Variants in LGR6 observed in about 807,000 individuals in gnomAD.
LGR6 encodes leucine rich repeat containing G protein-coupled receptor 6.
Under a neutral mutation model 69.4 loss-of-function variants are expected in LGR6, and 45 were observed. The observed-to-expected ratio is 0.65, with a 90% CI of 0.51 to 0.83. The LOEUF (loss-of-function observed/expected upper bound fraction) is 0.83, where lower values mean the gene tolerates loss of function less well. Among genes scored for constraint, LGR6 ranks in the 40% least tolerant of loss-of-function variants. LGR6 has a pLI of 0.00. For missense variants in LGR6, 1,108 were observed against 1,246.7 expected (o/e 0.89, Z 1.68); for synonymous variants, 538 against 555.0 (o/e 0.97, Z 0.43).
intron 12 of LGR6, 139 bp from the exon 13 acceptor site, chr1:202,306,729 G>A (rs1360099944): frequency 1.3e-5 from 10 of 785,578 alleles, no homozygotes; most frequent in Non-Finnish European, 2.2e-5. Context: ...TAATTCTGGT[G>A]ACTTCCTCGG....
intron 4 of LGR6, among the ~76,000 whole-genome samples, chr1:202,238,068 C>T (rs767719784): frequency 2.0e-5 from 3 of 150,754 alleles, no homozygotes; most frequent in Non-Finnish European, 4.4e-5. Context: ...ATTGATCCTC[C>T]GCCGTTTTTT....
intron 16 of LGR6, among the ~76,000 whole-genome samples, chr1:202,313,968 T>C (rs1043791248): frequency 6.6e-6 from 1 of 152,216 alleles, no homozygotes; most frequent in Non-Finnish European, 1.5e-5. Context: ...CCATCTCTTA[T>C]TCATCCCTGA....
At chr1:202,204,253 A>C (rs1658944379) in intron 1 of LGR6, among the ~76,000 whole-genome samples, 1 of 136,896 alleles carries the variant, frequency 7.3e-6, no homozygotes, top group Middle Eastern at 3.6e-3. Context: ...ACCTCCACAC[A>C]CAACCTCCAA....
chr1:202,308,528 A>G (rs1278639444), intron 14 of LGR6, among the ~76,000 whole-genome samples: 1 of 152,210 alleles, frequency 6.6e-6, no homozygotes. Context: ...CTCTGGCTAC[A>G]AAGCAGTCCC....
At chr1:202,210,637 T>C (rs1659429393) in intron 1 of LGR6, 1 of 152,246 alleles carries the variant, frequency 6.6e-6, no homozygotes, top group African/African-American at 2.4e-5. Flanking sequence ...AGTCAGCTCG[T>C]GGCCAGGCTT....
rs774399063 is a variant in LGR6, at chr1:202,303,355, G to A, written c.998+8G>A. On this transcript the variant is annotated splice_region_variant and intron_variant, in intron 10 of 17. Transcript: ENST00000367278. ...CACCAGCCTGGAGATCCTGTGAGTG[G>A]CTTCTCTCTCCCTACCTTATCTATC... The A allele has an allele frequency of 6.2e-7, 1 of 1,610,054 alleles. No individual in the cohort carries two copies. The highest frequency in any genetic ancestry group is 1.1e-5 in the South Asian group (1 of 90,992).
At chr1:202,300,965 A>G (rs2148260558) in intron 8 of LGR6, 45 bp downstream of exon 8, 1 of 1,532,656 alleles carries the variant, frequency 6.5e-7, no homozygotes, top group Non-Finnish European at 9.0e-7. Flanking sequence ...ACAGTGTTTC[A>G]GGGAGGAGGA....
chr1:202,255,090 T>C (rs757833752), intron 4 of LGR6, among the ~76,000 whole-genome samples: 25 of 152,194 alleles, frequency 1.6e-4, no homozygotes, highest in Non-Finnish European at 2.9e-4. Context: ...GCCTGCCCAC[T>C]TGAAGGAAGA....
chr1:202,280,904 G>T (rs371296773), intron 6 of LGR6, 52 bp downstream of exon 6: 14 of 1,503,170 alleles, frequency 9.3e-6, no homozygotes, highest in Non-Finnish European at 1.3e-5. Context: ...ATGAAAGCCT[G>T]GAGTCTTGGA....
chr1:202,267,062 C>T (rs1164953322), intron 4 of LGR6, among the ~76,000 whole-genome samples: 1 of 152,172 alleles, frequency 6.6e-6, no homozygotes, highest in Non-Finnish European at 1.5e-5. Context: ...TCCAGTATGG[C>T]ATGTGTCAGT....
chr1:202,253,821 T>C (rs1663508279), intron 4 of LGR6, among the ~76,000 whole-genome samples: 1 of 125,322 alleles, frequency 8.0e-6, no homozygotes, highest in African/African-American at 3.0e-5. Flanking sequence ...TTTTTTTTTT[T>C]TTGAGACGGA....
chr1:202,221,657 A>T (rs3010071), intron 1 of LGR6, among the ~76,000 whole-genome samples: 63,026 of 151,984 alleles, frequency 0.41, 13,938 homozygotes, highest in East Asian at 0.71. Context: ...GGTACAGATA[A>T]ACACATGTGC....
chr1:202,214,244 T>C (rs1414648935), intron 1 of LGR6: 3 of 1,538,498 alleles, frequency 1.9e-6, no homozygotes, highest in South Asian at 1.2e-5. Flanking sequence ...CCAGGTAGGC[T>C]TGGGGGAAGG....
intron 2 of LGR6, among the ~76,000 whole-genome samples, chr1:202,226,056 A>G (rs1165346472): frequency 6.6e-6 from 1 of 152,174 alleles, no homozygotes; most frequent in East Asian, 1.9e-4. Context: ...CCTTACAGTT[A>G]AGGCCCATTT....
intron 10 of LGR6, among the ~76,000 whole-genome samples, chr1:202,303,908 C>T (rs755256113): frequency 6.6e-5 from 10 of 152,170 alleles, no homozygotes; most frequent in African/African-American, 1.2e-4. Context: ...TCTGTGCCTC[C>T]GTTGTCTCCC....
intron 7 of LGR6, 94 bp downstream of exon 7, chr1:202,297,670 C>T (rs575717712): frequency 1.8e-5 from 17 of 940,640 alleles, no homozygotes; most frequent in African/African-American, 6.6e-5. Context: ...ACCTCCTCAC[C>T]TCCCATGGTC....
intron 1 of LGR6, among the ~76,000 whole-genome samples, chr1:202,202,578 C>A (rs1223929316): frequency 1.3e-5 from 2 of 152,268 alleles, no homozygotes; most frequent in Admixed American, 6.5e-5. Context: ...TGTTTTCTTG[C>A]TTTCAAAATG....
chr1:202,257,087 T>G (rs898002310), intron 4 of LGR6, among the ~76,000 whole-genome samples: 1 of 152,250 alleles, frequency 6.6e-6, no homozygotes, highest in Non-Finnish European at 1.5e-5. Flanking sequence ...TTGTCACAAT[T>G]CTTTATATAT....
In LGR6 at chr1:202,198,667, GGTTTTTTTTTTTT is replaced by G. The variant is rs1304461990; in HGVS notation, c.212+4467_212+4479del. 4.1e-3 allele frequency among the ~76,000 whole-genome samples: 363 copies of G among 88,038 alleles called. 2 individuals are homozygous for G. The highest frequency in any genetic ancestry group is 6.5e-3 in the Non-Finnish European group (272 of 41,842). 57.8% of individuals were successfully genotyped at this position (88,038 alleles called of 152,430 possible). A position where few individuals can be genotyped will look rare whatever the true frequency, so the allele number is the denominator to read the frequency against. Reference sequence around the variant, plus strand: ...TCTACTGGGAACCAGAGTAATTTTAGGTTTTTTTTTTTTTTTTTTTTTTTTTTTTAAGAGTACA... The same window carrying G: ...TCTACTGGGAACCAGAGTAATTTTAGTTTTTTTTTTTTTTTTAAGAGTACA... On this transcript the variant is annotated intron_variant, in intron 1 of 17. Transcript: ENST00000367278.
Sources: allele counts gnomAD v4.1 joint callset (sites outside exome capture counted in the v4.1 genomes callset), GRCh38; gene constraint gnomAD v4.1.1; transcripts MANE v1.5; gene names NCBI Gene and HGNC (gene_info 2026-07-23, HGNC 2026-07-21).